AUTS2: variants seen among roughly 807,000 people sequenced by gnomAD.
AUTS2 encodes autism susceptibility gene 2 protein.
AUTS2 carries 17 observed loss-of-function variants against 112.4 expected under a neutral mutation model. The ratio of observed to expected loss-of-function variants is 0.15; its 90% confidence interval spans 0.10 to 0.23. AUTS2 has a LOEUF of 0.23. AUTS2 is among the 10% of genes least tolerant of loss of function. AUTS2 has a pLI of 1.00. For missense variants in AUTS2, 1,510 were observed against 1,701.6 expected, an observed-to-expected ratio of 0.89 and a Z score of 1.98; for synonymous variants, 751 against 702.7, an observed-to-expected ratio of 1.07 and a Z score of -1.09.
At chr7:70,608,324 C>G (rs1207142374) in intron 5 of AUTS2, among the ~76,000 whole-genome samples, 3 of 152,046 alleles carry the variant, frequency 2.0e-5, no homozygotes, top group Non-Finnish European at 1.5e-5. Context: ...AGCCTGTCCT[C>G]AAACTCCTGG....
intron 5 of AUTS2, among the ~76,000 whole-genome samples, chr7:70,594,470 C>G (rs1383483452): frequency 2.6e-5 from 4 of 152,188 alleles, no homozygotes; most frequent in Admixed American, 6.5e-5. Flanking sequence ...GCTGGCTCAA[C>G]TCTCTGCTCA....
At chr7:69,628,630 T>G (rs970404409) in intron 1 of AUTS2, among the ~76,000 whole-genome samples, 1 of 152,024 alleles carries the variant, frequency 6.6e-6, no homozygotes, top group Non-Finnish European at 1.5e-5. Flanking sequence ...ATGGTGAAAG[T>G]TGAAGGGGAA....
At chr7:70,434,280 T>C (rs1191583736) in intron 4 of AUTS2, among the ~76,000 whole-genome samples, 1 of 152,046 alleles carries the variant, frequency 6.6e-6, no homozygotes, top group Admixed American at 6.5e-5. Flanking sequence ...TCAAGAAAAA[T>C]TGAGAAAGAA....
chr7:70,387,712 A>G (rs77723911), intron 4 of AUTS2, among the ~76,000 whole-genome samples: 3,000 of 152,258 alleles, frequency 0.02, 118 homozygotes, highest in African/African-American at 0.069. Context: ...ATGACAAGCC[A>G]TCATGTATAT....
At chr7:69,884,725 C>T (rs1241083625) in intron 1 of AUTS2, among the ~76,000 whole-genome samples, 1 of 152,184 alleles carries the variant, frequency 6.6e-6, no homozygotes, top group Non-Finnish European at 1.5e-5. Context: ...TTTGCATGAC[C>T]TAATTGCCTC....
intron 4 of AUTS2, among the ~76,000 whole-genome samples, chr7:70,241,204 C>T (rs1812594751): frequency 6.6e-6 from 1 of 152,182 alleles, no homozygotes; most frequent in African/African-American, 2.4e-5. Context: ...CCCTGTGGTA[C>T]ACATTTGTCA....
chr7:70,526,950 A>T (rs1799866190), intron 5 of AUTS2, among the ~76,000 whole-genome samples: 1 of 152,174 alleles, frequency 6.6e-6, no homozygotes, highest in Non-Finnish European at 1.5e-5. Flanking sequence ...TATTGACTTG[A>T]ATGGGATGTT....
intron 2 of AUTS2, among the ~76,000 whole-genome samples, chr7:70,010,570 C>T (rs1211366446): frequency 6.6e-6 from 1 of 152,208 alleles, no homozygotes; most frequent in East Asian, 1.9e-4. Context: ...GAGCCGAGCA[C>T]CTGCTGACTC....
At chr7:69,950,571 T>C (rs1252125567) in intron 2 of AUTS2, among the ~76,000 whole-genome samples, 1 of 152,184 alleles carries the variant, frequency 6.6e-6, no homozygotes, top group African/African-American at 2.4e-5. Context: ...TTTTGGCATA[T>C]TTTCATTTTA....
chr7:70,408,170 G>A (rs1444834107), intron 4 of AUTS2, among the ~76,000 whole-genome samples: 24 of 150,062 alleles, frequency 1.6e-4, no homozygotes, highest in African/African-American at 5.9e-4. Context: ...GACAGAGCGA[G>A]ACCCTGTGGA....
chr7:69,832,136 C>T (rs187130196), intron 1 of AUTS2, among the ~76,000 whole-genome samples: 1 of 152,172 alleles, frequency 6.6e-6, no homozygotes, highest in East Asian at 1.9e-4. Flanking sequence ...CCGACAACCC[C>T]CTACCCTGCT....
At chr7:69,856,703 A>G (rs1792739957) in intron 1 of AUTS2, among the ~76,000 whole-genome samples, 1 of 152,220 alleles carries the variant, frequency 6.6e-6, no homozygotes, top group Non-Finnish European at 1.5e-5. Flanking sequence ...CACTTAAGAA[A>G]TAAATGAAAT....
At chr7:70,077,384 G>C (rs560758840) in intron 2 of AUTS2, among the ~76,000 whole-genome samples, 1 of 152,286 alleles carries the variant, frequency 6.6e-6, no homozygotes, top group South Asian at 2.1e-4. Context: ...CTCCTGCCTT[G>C]TTTATATGGT....
chr7:69,872,456 T>G (rs934233012), intron 1 of AUTS2, among the ~76,000 whole-genome samples: 1 of 152,224 alleles, frequency 6.6e-6, no homozygotes, highest in Non-Finnish European at 1.5e-5. Flanking sequence ...TGAACCTGAA[T>G]TCTATTCTAA....
At chr7:70,462,408 C>A (rs1200765767) in intron 5 of AUTS2, among the ~76,000 whole-genome samples, 2 of 151,962 alleles carry the variant, frequency 1.3e-5, no homozygotes, top group Non-Finnish European at 2.9e-5. Flanking sequence ...AAGTGTAGTA[C>A]AGTGTTAATA....
chr7:69,713,783 T>A (rs563577961), intron 1 of AUTS2, among the ~76,000 whole-genome samples: 1 of 152,256 alleles, frequency 6.6e-6, no homozygotes, highest in Admixed American at 6.5e-5. Flanking sequence ...TACGTGTTCT[T>A]AATTGAGGTG....
intron 5 of AUTS2, among the ~76,000 whole-genome samples, chr7:70,678,385 G>A (rs545303058): frequency 2.0e-5 from 3 of 152,322 alleles, no homozygotes; most frequent in South Asian, 2.1e-4. Flanking sequence ...ACTGCCGAAC[G>A]TACTTCCAAA....
intron 1 of AUTS2, among the ~76,000 whole-genome samples, chr7:69,638,368 T>C (rs189261329): frequency 2.0e-5 from 3 of 152,364 alleles, no homozygotes; most frequent in Non-Finnish European, 4.4e-5. Context: ...AAGTGACATC[T>C]TTCTCAAGAC....
intron 4 of AUTS2, among the ~76,000 whole-genome samples, chr7:70,330,484 G>C (rs951733490): frequency 6.6e-6 from 1 of 152,138 alleles, no homozygotes; most frequent in Non-Finnish European, 1.5e-5. Flanking sequence ...ATTGGTCTGC[G>C]TGTCTATCCT....
Sources: gnomAD v4.1 joint callset for allele counts (sites outside exome capture counted in the v4.1 genomes callset) on GRCh38, gnomAD v4.1.1 for gene constraint, MANE v1.5 for transcripts, NCBI Gene and HGNC (gene_info 2026-07-23, HGNC 2026-07-21) for gene names.